The following KCND3 variants were observed in gnomAD, a reference collection of about 807,000 sequenced individuals.
KCND3 encodes the protein potassium voltage-gated channel subfamily D member 3.
A neutral mutation model predicts 51.1 loss-of-function variants in KCND3; 9 were observed. That is an observed-to-expected ratio of 0.18 (90% CI 0.11 to 0.31). KCND3 has a LOEUF of 0.31. Ranked by LOEUF, KCND3 falls within the 10% of genes least tolerant of loss-of-function variation. The pLI is 1.00. For missense variants in KCND3, 526 were observed against 903.8 expected (o/e 0.58, Z 5.36); for synonymous variants, 349 against 368.0 (o/e 0.95, Z 0.59).
intron 2 of KCND3, among the ~76,000 whole-genome samples, chr1:111,810,193 CTG>C (rs1665786352): frequency 6.6e-6 from 1 of 152,204 alleles, no homozygotes. Context: ...GGGTGAGCGA[CTG>C]TGGCTCTTCT....
At chr1:111,782,507 G>C (rs187131762) in intron 3 of KCND3, among the ~76,000 whole-genome samples, 1 of 152,078 alleles carries the variant, frequency 6.6e-6, no homozygotes, top group African/African-American at 2.4e-5. Flanking sequence ...TTACTCCATG[G>C]GAATCCTGCT....
chr1:111,936,948 T>A (rs1672248539), intron 2 of KCND3, among the ~76,000 whole-genome samples: 1 of 152,184 alleles, frequency 6.6e-6, no homozygotes, highest in Admixed American at 6.5e-5. Flanking sequence ...CATCATGAGA[T>A]GGTTGGATGG....
chr1:111,930,218 C>T (rs1297141766), intron 2 of KCND3, among the ~76,000 whole-genome samples: 1 of 151,096 alleles, frequency 6.6e-6, no homozygotes, highest in Non-Finnish European at 1.5e-5. Context: ...GGCTTGAAAA[C>T]TGAGGTGACA....
At chr1:111,932,976 C>T (rs918426413) in intron 2 of KCND3, among the ~76,000 whole-genome samples, 1 of 152,146 alleles carries the variant, frequency 6.6e-6, no homozygotes, top group African/African-American at 2.4e-5. Flanking sequence ...GGCTGTGCCT[C>T]CACCCAAAAT....
At chr1:111,843,392 C>G (rs1667414519) in intron 2 of KCND3, among the ~76,000 whole-genome samples, 1 of 152,344 alleles carries the variant, frequency 6.6e-6, no homozygotes, top group South Asian at 2.1e-4. Context: ...GCAAAGGCTG[C>G]CCAGTCCCTC....
chr1:111,916,713 C>T (rs1040968366), intron 2 of KCND3, among the ~76,000 whole-genome samples: 3 of 152,130 alleles, frequency 2.0e-5, no homozygotes, highest in Non-Finnish European at 2.9e-5. Flanking sequence ...GATGGAACAT[C>T]ACTACAGCTT....
chr1:111,774,467 T>A lies in KCND3; in HGVS notation c.*1610A>T, dbSNP rs1476376543. 1 of 152,220 alleles carries A rather than the reference T, an allele frequency of 6.6e-6. No homozygotes were observed. Among genetic ancestry groups the A allele is most frequent in the Non-Finnish European group, 1.5e-5 (1 of 68,074 alleles). 9.4% of individuals were successfully genotyped at this position (152,220 alleles called of 1,614,324 possible). ...AGCAGTGAACAATGGTTAGGAGGAT[T>A]CCAGAAATGCTGCCCCCAGCTCCAC... On this transcript the variant is annotated 3_prime_UTR_variant, in exon 8 of 8. Transcript: ENST00000302127.
intron 7 of KCND3, 105 bp from the exon 8 acceptor site, chr1:111,776,383 G>T: frequency 1.0e-6 from 1 of 1,004,018 alleles, no homozygotes; most frequent in Non-Finnish European, 1.5e-6. Flanking sequence ...AGGATATTTT[G>T]TTGTGCCTCT....
At chr1:111,841,237 A>C (rs865982545) in intron 2 of KCND3, among the ~76,000 whole-genome samples, 1 of 152,152 alleles carries the variant, frequency 6.6e-6, no homozygotes, top group Admixed American at 6.5e-5. Flanking sequence ...ATCCTCTCAC[A>C]TGGGCGGCTT....
intron 2 of KCND3, among the ~76,000 whole-genome samples, chr1:111,811,746 C>T (rs78430349): frequency 0.012 from 1,823 of 152,308 alleles, 36 homozygotes; most frequent in Admixed American, 0.046. Flanking sequence ...AATCAATTGG[C>T]TCCATTATGG....
chr1:111,848,660 C>A (rs1325103063), intron 2 of KCND3, among the ~76,000 whole-genome samples: 2 of 152,234 alleles, frequency 1.3e-5, no homozygotes, highest in African/African-American at 4.8e-5. Context: ...TGCGTGGCCC[C>A]TGGGGCTGGC....
At chr1:111,855,034 G>A (rs1212231896) in intron 2 of KCND3, among the ~76,000 whole-genome samples, 1 of 152,144 alleles carries the variant, frequency 6.6e-6, no homozygotes, top group Non-Finnish European at 1.5e-5. Flanking sequence ...GCCGCTTAAG[G>A]GCTCACCTGA....
chr1:111,838,386 T>C (rs1667164906), intron 2 of KCND3, among the ~76,000 whole-genome samples: 1 of 152,078 alleles, frequency 6.6e-6, no homozygotes, highest in East Asian at 1.9e-4. Context: ...CTGTTACTTA[T>C]AAAAAACACA....
chr1:111,955,553 T>C (rs953073427), intron 2 of KCND3, among the ~76,000 whole-genome samples: 2 of 152,224 alleles, frequency 1.3e-5, no homozygotes, highest in African/African-American at 4.8e-5. Context: ...CGCTGCATTG[T>C]AATGATCTGT....
At chr1:111,827,491 C>T (rs912283428) in intron 2 of KCND3, among the ~76,000 whole-genome samples, 10 of 152,300 alleles carry the variant, frequency 6.6e-5, no homozygotes, top group East Asian at 1.9e-4. Flanking sequence ...CTGCCTCCAT[C>T]GCAAGTTAAG....
chr1:111,877,948 C>T (rs1434665354), intron 2 of KCND3, among the ~76,000 whole-genome samples: 1 of 152,190 alleles, frequency 6.6e-6, no homozygotes, highest in Non-Finnish European at 1.5e-5. Flanking sequence ...ATGTGCAATT[C>T]ATATATATTA....
chr1:111,932,567 A>G lies in KCND3; in HGVS notation c.1106+49054T>C, dbSNP rs111712563. Among the ~76,000 whole-genome samples the G allele has an allele frequency of 7.0e-3, 1,068 of 152,248 alleles. 10 individuals are homozygous for G. The highest frequency in any genetic ancestry group is 0.023 in the South Asian group (109 of 4,822). On this transcript the variant is annotated intron_variant, in intron 2 of 7. Transcript: ENST00000302127. ...CTCAGCTCCTGGCAGCCACCATTCT[A>G]CTTTCTGACTCTAAGAATCTGACTA...
intron 2 of KCND3, among the ~76,000 whole-genome samples, chr1:111,911,449 C>T (rs974875870): frequency 2.0e-5 from 3 of 152,172 alleles, no homozygotes; most frequent in Non-Finnish European, 4.4e-5. Context: ...TAAACCTAAA[C>T]ACAACAAGGG....
chr1:111,921,321 T>C (rs928815334), intron 2 of KCND3, among the ~76,000 whole-genome samples: 1 of 152,194 alleles, frequency 6.6e-6, no homozygotes, highest in African/African-American at 2.4e-5. Context: ...ATCTCTTCCA[T>C]GAAGCCAGAG....
Sources: allele counts gnomAD v4.1 joint callset (sites outside exome capture counted in the v4.1 genomes callset), GRCh38; gene constraint gnomAD v4.1.1; transcripts MANE v1.5; gene names NCBI Gene and HGNC (gene_info 2026-07-23, HGNC 2026-07-21).